Variants in DNAJC28 observed in about 807,000 individuals in gnomAD.
DNAJC28 encodes the protein dnaJ homolog subfamily C member 28.
Under a neutral mutation model 33.3 loss-of-function variants are expected in DNAJC28, and 24 were observed. The ratio of observed to expected loss-of-function variants is 0.72; its 90% CI spans 0.52 to 1.01. The LOEUF is 1.01. Among genes scored for constraint, DNAJC28 ranks in the 50% least tolerant of loss-of-function variants. The probability of loss-of-function intolerance (pLI) is 0.00; values close to 1 mark genes in which losing one functional copy is unlikely to be tolerated. For synonymous variants in DNAJC28, 120 were observed against 147.2 expected (o/e 0.82, Z 1.34); for missense variants, 442 against 455.2 (o/e 0.97, Z 0.26).
rs752787238 is a variant in DNAJC28, at chr21:33,488,641, T to A, written c.753A>T (p.Gly251=). Residue 251 remains glycine, a synonymous_variant, in exon 2 of 2, where the codon GGA becomes GGT. Transcript: ENST00000381947. Reference sequence around the variant, plus strand: ...GCTTAAGGATCCATTCTGGTTGGTATCCATTATCGATCAGTATTCGGTTCA... The same window carrying A: ...GCTTAAGGATCCATTCTGGTTGGTAACCATTATCGATCAGTATTCGGTTCA... ...HNLNRILIDN[G]YQPEWILKQK... The A allele has an allele frequency of 1.9e-6, 3 of 1,614,042 alleles. No individual in the cohort carries two copies. Among genetic ancestry groups the A allele is most frequent in the Non-Finnish European group, 2.5e-6 (3 of 1,179,996 alleles).
intron 1 of DNAJC28, among the ~76,000 whole-genome samples, chr21:33,490,528 C>CT (rs1264144842): frequency 3.3e-5 from 5 of 151,860 alleles, no homozygotes; most frequent in Non-Finnish European, 7.4e-5. Flanking sequence ...AATCCCAGTA[C>CT]TTTAGGAGGC....
rs778617947 is a variant in DNAJC28, at chr21:33,488,660, C to T, written c.734G>A (p.Arg245Gln). ...TTGGTATCCATTATCGATCAGTATT[C>T]GGTTCAGGTTGTGAGTCATGGGATC... is the stretch of plus-strand genomic sequence containing the variant. ...YIDPMTHNLN[R>Q]ILIDNGYQPE... The change falls in exon 2 of 2, where the codon CGA (arginine) becomes CAA (glutamine). Residue 245 changes from arginine (R) to glutamine (Q), a missense_variant. By Grantham distance (43) the Arg-to-Gln change is conservative. Coordinates refer to ENST00000381947, the MANE Select transcript of DNAJC28 (RefSeq NM_001040192.3). The T allele has an allele frequency of 8.1e-6, 13 of 1,613,182 alleles. No individual in the cohort carries two copies. The highest frequency in any genetic ancestry group is 2.2e-5 in the South Asian group (2 of 90,754).
intron 1 of DNAJC28, among the ~76,000 whole-genome samples, chr21:33,489,947 C>T (rs2084507086): frequency 6.6e-6 from 1 of 151,684 alleles, no homozygotes; most frequent in South Asian, 2.1e-4. Context: ...GCGTGCACCA[C>T]CACACCTGGC....
In DNAJC28 at chr21:33,489,592, G is replaced by A. The variant is rs531358277; in HGVS notation, c.-31-168C>T. 5.8e-4 allele frequency among the ~76,000 whole-genome samples: 84 copies of A among 143,796 alleles called. 2 individuals are homozygous for A. The South Asian group carries it at 0.018, about 31-fold the overall frequency. 94.3% of individuals were successfully genotyped at this position (143,796 alleles called of 152,430 possible). A position where few individuals can be genotyped will look rare whatever the true frequency, so the allele number is the denominator to read the frequency against. ...CTTTTTTTTTTTTTTTTGAGACAGA[G>A]TCTCGCTCTGTCACCCAGGCTGGAG... On this transcript the variant is annotated intron_variant, in intron 1 of 1. Coordinates refer to ENST00000381947, the MANE Select transcript of DNAJC28 (RefSeq NM_001040192.3).
Position 33,488,795 on chromosome 21 carries a change from A to G in DNAJC28, c.599T>C (p.Ile200Thr), listed in dbSNP as rs758378223. The G allele has an allele frequency of 1.9e-6, 3 of 1,613,706 alleles. No homozygotes were observed. The highest frequency in any genetic ancestry group is 2.5e-6 in the Non-Finnish European group (3 of 1,179,964). ...AATGAGGTCCTCCACTAAACGTTCTATAGCTTGCGTTATCTTTTGCTGTTT... is the reference window on the plus strand; with the variant it reads ...AATGAGGTCCTCCACTAAACGTTCTGTAGCTTGCGTTATCTTTTGCTGTTT... Reference protein sequence around the residue: ...QSKQQKITQAIERLVEDLIQE... With the variant: ...QSKQQKITQATERLVEDLIQE... Residue 200 changes from isoleucine (I) to threonine (T), a missense_variant, in exon 2 of 2, where the codon ATA (isoleucine) becomes ACA (threonine). By Grantham distance (89) the Ile-to-Thr change is moderately conservative (BLOSUM62 -1). Coordinates refer to ENST00000381947, the MANE Select transcript of DNAJC28 (RefSeq NM_001040192.3).
chr21:33,489,567 CTTT>C (rs769632462), intron 1 of DNAJC28, 143 bp from the exon 2 acceptor site: 2,413 of 353,590 alleles, frequency 6.8e-3, no homozygotes, highest in Middle Eastern at 0.01. Flanking sequence ...CAACTTTTTC[CTTT>C]TTTTTTTTTT....
intron 1 of DNAJC28, among the ~76,000 whole-genome samples, chr21:33,490,512 G>A (rs1045443066): frequency 1.3e-5 from 2 of 151,562 alleles, no homozygotes; most frequent in African/African-American, 4.8e-5. Flanking sequence ...GGTGGCACAC[G>A]CCTGTAATCC....
At chr21:33,491,509 C>G (rs2084524355) in intron 1 of DNAJC28, 93 bp downstream of exon 1, 1 of 152,730 alleles carries the variant, frequency 6.5e-6, no homozygotes, top group Middle Eastern at 3.4e-3. Flanking sequence ...CTGCGGGTGT[C>G]CCTCCCACCG....
rs2084476725 is a variant in DNAJC28 at position 33,488,101 on chromosome 21, T to A, written c.*126A>T. 1 of 748,164 alleles carries A rather than the reference T, an allele frequency of 1.3e-6. No individual in the cohort carries two copies. The highest frequency in any genetic ancestry group is 2.0e-6 in the Non-Finnish European group (1 of 494,700). 46.3% of individuals were successfully genotyped at this position (748,164 alleles called of 1,614,324 possible). ...TGATAGGTTTCTCACTCACACATCA[T>A]TGGCTATGTGATTAGTTTTGTGATA... On this transcript the variant is annotated 3_prime_UTR_variant, in exon 2 of 2. Transcript: ENST00000381947.
chr21:33,491,051 GGACA>G (rs2084518356), intron 1 of DNAJC28: 1 of 152,162 alleles, frequency 6.6e-6, no homozygotes, highest in Admixed American at 6.6e-5. Flanking sequence ...GACGACTTAT[GGACA>G]AGGTACGTAC....
Position 33,488,696 on chromosome 21 carries a change from C to T in DNAJC28, c.698G>A (p.Cys233Tyr), listed in dbSNP as rs2084487582. The change falls in exon 2 of 2, where the codon TGT (cysteine) becomes TAT (tyrosine). Residue 233 changes from cysteine (C) to tyrosine (Y), a missense_variant. Coordinates refer to ENST00000381947, the MANE Select transcript of DNAJC28 (RefSeq NM_001040192.3). The part of the protein sequence containing the change: ...KGKPLKKFSD[C>Y]SYIDPMTHNL... ...GTGAGTCATGGGATCAATGTAAGAA[C>T]AGTCAGAAAACTTTTTCAGAGGTTT... is the stretch of plus-strand genomic sequence containing the variant. 2 of 1,610,228 alleles carry T rather than the reference C, an allele frequency of 1.2e-6. No individual in the cohort carries two copies. The highest frequency in any genetic ancestry group is 1.7e-6 in the Non-Finnish European group (2 of 1,179,064).
rs774052485 is a variant in DNAJC28, at chr21:33,489,107, T to C, written c.287A>G (p.Glu96Gly). The C allele has an allele frequency of 1.5e-5, 25 of 1,613,904 alleles. No homozygotes were observed. The South Asian group carries it at 2.6e-4, about 17-fold the overall frequency. The change falls in exon 2 of 2, where the codon GAA (glutamate) becomes GGA (glycine). Residue 96 changes from glutamate (E) to glycine (G), a missense_variant. Coordinates refer to ENST00000381947, the MANE Select transcript of DNAJC28 (RefSeq NM_001040192.3). Reference sequence around the variant, plus strand: ...GGAGAGCACCTTTCTATAAGCTTTTTCAATCCTTATAAATGTTGCAGAATC... The same window carrying C: ...GGAGAGCACCTTTCTATAAGCTTTTCCAATCCTTATAAATGTTGCAGAATC... ...TADSATFIRI[E>G]KAYRKVLSHV...
In DNAJC28 at chr21:33,488,572, A is replaced by C; in HGVS notation, c.822T>G (p.Ile274Met). 6.2e-7 allele frequency: 1 copy of C among 1,613,620 alleles called. No homozygotes were observed. Among genetic ancestry groups the C allele is most frequent in the Non-Finnish European group, 8.5e-7 (1 of 1,179,932 alleles). The change falls in exon 2 of 2, where the codon ATT becomes ATG. Residue 274 changes from isoleucine (I) to methionine (M), a missense_variant. Physicochemically the swap from Ile to Met is conservative, Grantham distance 10. Coordinates refer to ENST00000381947, the MANE Select transcript of DNAJC28 (RefSeq NM_001040192.3). The stretch of plus-strand genomic sequence containing the variant: ...TCCCAAGTTTTTTCCTAGACACTAA[A>C]ATTGCCTCTCTGAGTTGCTCAATAG... ...SDTIEQLREA[I>M]LVSRKKLGNP... is the part of the protein sequence containing the mutation.
Position 33,488,297 on chromosome 21 carries a change from GT to G in DNAJC28, c.1096del (p.Thr366HisfsTer9). The G allele has an allele frequency of 1.3e-6, 2 of 1,554,580 alleles. No homozygotes were observed. Among genetic ancestry groups the G allele is most frequent in the Non-Finnish European group, 1.7e-6 (2 of 1,160,416 alleles). On this transcript the variant is annotated frameshift_variant, in exon 2 of 2. Transcript: ENST00000381947. LOFTEE classifies it high-confidence loss of function. ...NNLDQGEGEK[T>X]PEIKKGFLNW... is the part of the protein sequence containing the mutation. Reference sequence around the variant, plus strand: ...TAAAAAACCTTTCTTGATTTCAGGTGTTTTCTCTCCTTCTCCTTGATCAAGG... The same window carrying G: ...TAAAAAACCTTTCTTGATTTCAGGTGTTTCTCTCCTTCTCCTTGATCAAGG...
chr21:33,489,507 A>G, intron 1 of DNAJC28, 83 bp from the exon 2 acceptor site: 2 of 690,578 alleles, frequency 2.9e-6, no homozygotes, highest in Non-Finnish European at 4.4e-6. Flanking sequence ...TAAAAGATAC[A>G]GCATGAATTT....
At position 33,488,445 on chromosome 21, in the gene DNAJC28, T is replaced by C. The variant is rs748024199; in HGVS notation, c.949A>G (p.Ile317Val). 12 of 982,962 alleles carry C rather than the reference T, an allele frequency of 1.2e-5. No homozygotes were observed. The highest frequency in any genetic ancestry group is 1.7e-5 in the South Asian group (1 of 59,610). 60.9% of individuals were successfully genotyped at this position (982,962 alleles called of 1,614,324 possible). ...LNKRINDFNL[I>V]VPILTRQKVH... ...TTTTGCCTGGTCAGGATGGGAACAA[T>C]TAAATTAAAATCATTAATTCGCTTG... is the stretch of plus-strand genomic sequence containing the variant. Residue 317 changes from isoleucine to valine, a missense_variant, in exon 2 of 2, where the codon ATT (isoleucine) becomes GTT (valine). Coordinates refer to ENST00000381947, the MANE Select transcript of DNAJC28 (RefSeq NM_001040192.3).
rs1364566258 is a variant in DNAJC28 at position 33,488,880 on chromosome 21, G to C, written c.514C>G (p.Gln172Glu). 1 of 1,609,750 alleles carries C rather than the reference G, an allele frequency of 6.2e-7. No individual in the cohort carries two copies. Among genetic ancestry groups the C allele is most frequent in the Non-Finnish European group, 8.5e-7 (1 of 1,179,194 alleles). ...GGAAAATACTGGCTTTGTAGTTTCT[G>C]CTTTTGATATTCCATCACTTGTTCA... ...AAEQVMEYQK[Q>E]KLQSQYFPDS... Residue 172 changes from glutamine (Q) to glutamate (E), a missense_variant, in exon 2 of 2, where the codon CAG (glutamine) becomes GAG (glutamate). Physicochemically the swap from Gln to Glu is conservative, Grantham distance 29. Transcript: ENST00000381947.
In DNAJC28 at chr21:33,488,680, G is replaced by A. The variant is rs145411331; in HGVS notation, c.714C>T (p.Pro238=). 4 of 1,611,506 alleles carry A rather than the reference G, an allele frequency of 2.5e-6. No homozygotes were observed. In the African/African-American group the frequency reaches 5.4e-5, roughly 22 times the overall value. The change falls in exon 2 of 2, where the codon CCC becomes CCT. Residue 238 remains proline (P), a synonymous_variant. Coordinates refer to ENST00000381947, the MANE Select transcript of DNAJC28 (RefSeq NM_001040192.3). The part of the protein sequence containing the change: ...KKFSDCSYID[P]MTHNLNRILI... ...GTATTCGGTTCAGGTTGTGAGTCAT[G>A]GGATCAATGTAAGAACAGTCAGAAA...
At position 33,489,405 on chromosome 21, in the gene DNAJC28, G is replaced by C. The variant is rs764817307; in HGVS notation, c.-12C>G. 1.0e-5 allele frequency: 15 copies of C among 1,486,542 alleles called. No individual in the cohort carries two copies. Among genetic ancestry groups the C allele is most frequent in the Non-Finnish European group, 1.2e-5 (14 of 1,121,110 alleles). The allele number at this position is 1,486,542 out of a possible 1,614,324, so 92.1% of individuals were successfully genotyped here. A position where few individuals can be genotyped will look rare whatever the true frequency, so the allele number is the denominator to read the frequency against. On this transcript the variant is annotated 5_prime_UTR_variant, in exon 2 of 2. Transcript: ENST00000381947. ...TACATTGTATTCATTATTGTACCCA[G>C]AGTTCTTCCTAGCAATGACCTATAA...
Sources: gnomAD v4.1 joint callset for allele counts (sites outside exome capture counted in the v4.1 genomes callset) on GRCh38, gnomAD v4.1.1 for gene constraint, MANE v1.5 for transcripts, NCBI Gene and HGNC (gene_info 2026-07-23, HGNC 2026-07-21) for gene names.